IGF1R: variants seen among roughly 807,000 people sequenced by gnomAD.
IGF1R encodes insulin like growth factor 1 receptor.
A neutral mutation model predicts 144.6 loss-of-function variants in IGF1R; 44 were observed. That is an observed-to-expected ratio of 0.30 (90% confidence interval 0.24 to 0.39). The LOEUF is 0.39. IGF1R is among the 10% of genes least tolerant of loss of function. IGF1R has a pLI of 1.00. For synonymous variants in IGF1R, 795 were observed against 722.8 expected (o/e 1.10, Z -1.60); for missense variants, 1,355 against 1,833.7 (o/e 0.74, Z 4.77).
intron 1 of IGF1R, among the ~76,000 whole-genome samples, chr15:98,700,226 C>A (rs1274856383): frequency 6.6e-6 from 1 of 152,124 alleles, no homozygotes; most frequent in Non-Finnish European, 1.5e-5. Flanking sequence ...AAGGGCACAG[C>A]ATGGGAGGAT....
chr15:98,681,103 TC>T (rs2053178039), intron 1 of IGF1R, among the ~76,000 whole-genome samples: 1 of 152,074 alleles, frequency 6.6e-6, no homozygotes, highest in Admixed American at 6.6e-5. Flanking sequence ...AATGATGAAA[TC>T]ACCTAACTGT....
At chr15:98,924,113 A>G (rs1567202148) in intron 12 of IGF1R, 101 bp downstream of exon 12, 2 of 1,187,198 alleles carry the variant, frequency 1.7e-6, no homozygotes, top group Non-Finnish European at 2.5e-6. Flanking sequence ...ATAGGACTTA[A>G]AACAATAAAA....
At chr15:98,815,098 T>C (rs891708738) in intron 2 of IGF1R, among the ~76,000 whole-genome samples, 1 of 152,222 alleles carries the variant, frequency 6.6e-6, no homozygotes, top group African/African-American at 2.4e-5. Flanking sequence ...AGAAGATACA[T>C]GACATAAAAA....
intron 3 of IGF1R, among the ~76,000 whole-genome samples, chr15:98,893,739 G>C (rs2014043367): frequency 6.6e-6 from 1 of 152,166 alleles, no homozygotes; most frequent in Admixed American, 6.5e-5. Flanking sequence ...ATTTGACAGT[G>C]TTGTTTCTTC....
intron 2 of IGF1R, among the ~76,000 whole-genome samples, chr15:98,818,509 T>G (rs2056740854): frequency 6.6e-6 from 1 of 151,294 alleles, no homozygotes; most frequent in East Asian, 2.0e-4. Context: ...GTTGGTGGCT[T>G]GAACCAGTGC....
chr15:98,840,973 G>A lies in IGF1R; in HGVS notation c.641-50352G>A, dbSNP rs369972105. Among the ~76,000 whole-genome samples, 49 of 152,244 alleles carry A rather than the reference G, an allele frequency of 3.2e-4. 1 individual carries two copies. Among genetic ancestry groups the A allele is most frequent in the African/African-American group, 1.2e-3 (49 of 41,548 alleles). On this transcript the variant is annotated intron_variant, in intron 2 of 20. Transcript: ENST00000650285. ...TGGGATTACAGGCGTGAGACACTGCGCCTGGCCGTCCAGGCTGGTCTTGAC... is the reference window on the plus strand; with the variant it reads ...TGGGATTACAGGCGTGAGACACTGCACCTGGCCGTCCAGGCTGGTCTTGAC...
At chr15:98,787,509 C>T (rs192563586) in intron 2 of IGF1R, among the ~76,000 whole-genome samples, 1 of 152,184 alleles carries the variant, frequency 6.6e-6, no homozygotes, top group Non-Finnish European at 1.5e-5. Context: ...ACCCTCCCCC[C>T]ACCTTTGCTA....
intron 2 of IGF1R, among the ~76,000 whole-genome samples, chr15:98,741,407 G>C (rs1457808519): frequency 6.6e-6 from 1 of 151,986 alleles, no homozygotes; most frequent in Non-Finnish European, 1.5e-5. Flanking sequence ...TTTGCCATTT[G>C]GTCTCGCTGC....
intron 2 of IGF1R, among the ~76,000 whole-genome samples, chr15:98,757,543 A>G (rs2055184802): frequency 6.6e-6 from 1 of 152,040 alleles, no homozygotes; most frequent in South Asian, 2.1e-4. Context: ...TGATGCATCA[A>G]TATGTGTAAT....
chr15:98,768,407 G>A (rs1439911008), intron 2 of IGF1R, among the ~76,000 whole-genome samples: 2 of 151,546 alleles, frequency 1.3e-5, no homozygotes, highest in Non-Finnish European at 1.5e-5. Context: ...ATGCTGTCAG[G>A]AGATCGAGAC....
At chr15:98,877,724 C>T (rs114321820) in intron 2 of IGF1R, among the ~76,000 whole-genome samples, 1 of 152,102 alleles carries the variant, frequency 6.6e-6, no homozygotes, top group African/African-American at 2.4e-5. Flanking sequence ...TTTGCCTGTA[C>T]AGGTGTGCAG....
chr15:98,856,050 GA>G (rs2011797163), intron 2 of IGF1R, among the ~76,000 whole-genome samples: 1 of 152,176 alleles, frequency 6.6e-6, no homozygotes, highest in Non-Finnish European at 1.5e-5. Flanking sequence ...GGTTTAGAGG[GA>G]GACGGGGTGT....
intron 1 of IGF1R, among the ~76,000 whole-genome samples, chr15:98,653,043 TTTTCA>T (rs2052408507): frequency 6.6e-6 from 1 of 152,126 alleles, no homozygotes; most frequent in African/African-American, 2.4e-5. Context: ...TCTCTCTCTC[TTTTCA>T]TTTATGAGTT....
chr15:98,817,988 G>A (rs1596328277), intron 2 of IGF1R, among the ~76,000 whole-genome samples: 1 of 152,342 alleles, frequency 6.6e-6, no homozygotes, highest in East Asian at 1.9e-4. Context: ...TCTAGTGAGG[G>A]CTCTCTTCCT....
rs74032591 is a variant in IGF1R at position 98,773,038 on chromosome 15, A to C, written c.640+64931A>C. 7.5e-3 allele frequency among the ~76,000 whole-genome samples: 1,136 copies of C among 152,314 alleles called. 20 individuals are homozygous for C. Among genetic ancestry groups the C allele is most frequent in the African/African-American group, 0.026 (1,082 of 41,568 alleles). ...CATATTTGCATGCCTCTCTTGAGTT[A>C]ACTACTGGTGATGATTCTTAGCTCA... On this transcript the variant is annotated intron_variant, in intron 2 of 20. Coordinates refer to ENST00000650285, the MANE Select transcript of IGF1R (RefSeq NM_000875.5).
intron 1 of IGF1R, among the ~76,000 whole-genome samples, chr15:98,667,754 C>T (rs1246832807): frequency 2.0e-5 from 3 of 152,106 alleles, no homozygotes; most frequent in Admixed American, 2.0e-4. Context: ...TGGGAGGAAG[C>T]CTGCTGCGGG....
intron 2 of IGF1R, among the ~76,000 whole-genome samples, chr15:98,812,095 C>G (rs367705322): frequency 1.4e-4 from 21 of 152,296 alleles, no homozygotes; most frequent in Admixed American, 3.9e-4. Flanking sequence ...TAATAGCCTT[C>G]GAAACCACAT....
intron 2 of IGF1R, among the ~76,000 whole-genome samples, chr15:98,716,537 CAT>C (rs1182032159): frequency 2.6e-5 from 4 of 152,206 alleles, no homozygotes; most frequent in African/African-American, 9.7e-5. Context: ...CACTGGCTAA[CAT>C]ATGGCTTTAA....
intron 2 of IGF1R, among the ~76,000 whole-genome samples, chr15:98,721,661 A>G (rs754534501): frequency 1.1e-4 from 16 of 152,348 alleles, no homozygotes; most frequent in Middle Eastern, 6.8e-3. Context: ...TATCCTGGAC[A>G]CCAATCTTGC....
Sources: gnomAD v4.1 joint callset for allele counts (sites outside exome capture counted in the v4.1 genomes callset) on GRCh38, gnomAD v4.1.1 for gene constraint, MANE v1.5 for transcripts, NCBI Gene and HGNC (gene_info 2026-07-23, HGNC 2026-07-21) for gene names.